CMPK1: variants seen among roughly 807,000 people sequenced by gnomAD.
CMPK1 encodes the protein UMP-CMP kinase.
Under a neutral mutation model 25.7 loss-of-function variants are expected in CMPK1, and 10 were observed. The observed-to-expected ratio is 0.39, with a 90% CI of 0.24 to 0.66. The LOEUF (loss-of-function observed/expected upper bound fraction) is 0.66. CMPK1 is among the 30% of genes least tolerant of loss of function. The pLI is 0.48. For missense variants in CMPK1, 199 were observed against 280.5 expected (o/e 0.71, Z 2.08); for synonymous variants, 106 against 101.5 (o/e 1.04, Z -0.27).
intron 1 of CMPK1, among the ~76,000 whole-genome samples, chr1:47,359,517 A>C (rs1646587461): frequency 6.8e-6 from 1 of 147,194 alleles, no homozygotes; most frequent in Admixed American, 6.9e-5. Flanking sequence ...CCTCCTGAGT[A>C]GCTGGGATTA....
In CMPK1 at chr1:47,333,956, G is replaced by A. The variant is rs1468229514; in HGVS notation, c.11G>A (p.Arg4His). MLS[R>H]CRSGLLHVLG... ...GCCGAGGCGCGGTGTATGCTGAGCC[G>A]CTGCCGCAGCGGGCTGCTCCACGTC... Residue 4 changes from arginine (R) to histidine (H), a missense_variant, in exon 1 of 6, where the codon CGC becomes CAC. Coordinates refer to ENST00000371873, the MANE Select transcript of CMPK1 (RefSeq NM_016308.3). 19 of 1,479,732 alleles carry A rather than the reference G, an allele frequency of 1.3e-5. No homozygotes were observed. The highest frequency in any genetic ancestry group is 1.6e-5 in the Non-Finnish European group (18 of 1,106,816). The allele number at this position is 1,479,732 out of a possible 1,614,324, so 91.7% of individuals were successfully genotyped here. A position where few individuals can be genotyped will look rare whatever the true frequency, so the allele number is the denominator to read the frequency against.
chr1:47,378,571 A>C lies in CMPK1; in HGVS notation c.*1826A>C, dbSNP rs541071605. On this transcript the variant is annotated 3_prime_UTR_variant, in exon 6 of 6. Coordinates refer to ENST00000371873, the MANE Select transcript of CMPK1 (RefSeq NM_016308.3). ...ACAGAAACCAAGAAACATGGTAATT[A>C]CTAAATTATGAGGCTTTGCTTTTTG... 7.9e-4 allele frequency: 121 copies of C among 152,332 alleles called. No individual in the cohort carries two copies. Among genetic ancestry groups the C allele is most frequent in the African/African-American group, 2.8e-3 (117 of 41,584 alleles). 9.4% of individuals were successfully genotyped at this position (152,332 alleles called of 1,614,324 possible). A position where few individuals can be genotyped will look rare whatever the true frequency, so the allele number is the denominator to read the frequency against.
chr1:47,373,175 AG>A, intron 3 of CMPK1, 68 bp downstream of exon 3: 1 of 1,414,480 alleles, frequency 7.1e-7, no homozygotes. Context: ...GAAAAAACAA[AG>A]GATTTTTTAA....
intron 1 of CMPK1, among the ~76,000 whole-genome samples, chr1:47,367,008 G>T (rs982402230): frequency 6.6e-6 from 1 of 152,146 alleles, no homozygotes; most frequent in Non-Finnish European, 1.5e-5. Context: ...TTATAGGTGT[G>T]AGCCACCGCA....
At chr1:47,351,300 C>T (rs913667973) in intron 1 of CMPK1, among the ~76,000 whole-genome samples, 3 of 152,060 alleles carry the variant, frequency 2.0e-5, no homozygotes, top group Non-Finnish European at 2.9e-5. Flanking sequence ...AGGGTGGTCT[C>T]GATCTCCTGA....
chr1:47,367,050 A>C (rs1464833708), intron 1 of CMPK1, among the ~76,000 whole-genome samples: 1 of 152,130 alleles, frequency 6.6e-6, no homozygotes, highest in Admixed American at 6.6e-5. Flanking sequence ...TTAAAAAAAA[A>C]GTTTAATAGA....
intron 4 of CMPK1, 30 bp downstream of exon 4, chr1:47,375,015 TC>T (rs1646698457): frequency 6.6e-7 from 1 of 1,524,352 alleles, no homozygotes; most frequent in African/African-American, 1.4e-5. Context: ...TACAACCACT[TC>T]AATCCCAGAC....
chr1:47,349,914 C>T (rs112600146), intron 1 of CMPK1, among the ~76,000 whole-genome samples: 2 of 152,072 alleles, frequency 1.3e-5, no homozygotes, highest in East Asian at 1.9e-4. Flanking sequence ...AAGTGATTCT[C>T]CTGTCTCAGC....
At chr1:47,347,078 C>T (rs1050989602) in intron 1 of CMPK1, among the ~76,000 whole-genome samples, 8 of 151,714 alleles carry the variant, frequency 5.3e-5, no homozygotes, top group South Asian at 2.1e-4. Flanking sequence ...CCATTGTGCC[C>T]GGCCTATTTT....
At chr1:47,337,836 C>A (rs1646410510) in intron 1 of CMPK1, among the ~76,000 whole-genome samples, 1 of 152,094 alleles carries the variant, frequency 6.6e-6, no homozygotes, top group East Asian at 1.9e-4. Context: ...TGGTCTCGAA[C>A]TCCTGACCTC....
rs75857940 is a variant in CMPK1, at chr1:47,361,579, G to A, written c.172-6890G>A. On this transcript the variant is annotated intron_variant, in intron 1 of 5. Coordinates refer to ENST00000371873, the MANE Select transcript of CMPK1 (RefSeq NM_016308.3). ...GTCCAATCACAGTTACAGTGGTCTG[G>A]GTTGTAAATCAGAGTTAGGAGGGGT... 7.1e-3 allele frequency among the ~76,000 whole-genome samples: 1,087 copies of A among 152,210 alleles called. 5 individuals are homozygous for A. The highest frequency in any genetic ancestry group is 0.01 in the Middle Eastern group (3 of 292).
intron 1 of CMPK1, chr1:47,358,221 A>G: frequency 4.5e-6 from 2 of 443,752 alleles, no homozygotes; most frequent in Non-Finnish European, 9.0e-6. Flanking sequence ...CAAGCTACCC[A>G]CTTGGCTGAG....
At chr1:47,339,695 C>T (rs1646424746) in intron 1 of CMPK1, among the ~76,000 whole-genome samples, 1 of 134,898 alleles carries the variant, frequency 7.4e-6, no homozygotes, top group African/African-American at 2.7e-5. Flanking sequence ...TTTCTTTCTT[C>T]CTTTCCTTTT....
intron 1 of CMPK1, among the ~76,000 whole-genome samples, chr1:47,335,544 G>A (rs1646390832): frequency 6.7e-6 from 1 of 149,942 alleles, no homozygotes; most frequent in Non-Finnish European, 1.5e-5. Flanking sequence ...GGCTGAGGCA[G>A]GAGAATCGCT....
chr1:47,339,528 T>C (rs1001590414), intron 1 of CMPK1, among the ~76,000 whole-genome samples: 5 of 152,146 alleles, frequency 3.3e-5, no homozygotes, highest in East Asian at 1.9e-4. Flanking sequence ...TAAGCACTTA[T>C]TGAATTATAA....
At chr1:47,356,586 C>G (rs2149330036) in intron 1 of CMPK1, among the ~76,000 whole-genome samples, 1 of 150,322 alleles carries the variant, frequency 6.7e-6, no homozygotes, top group Middle Eastern at 3.4e-3. Context: ...CTTAAAGTTG[C>G]CATAAGTTTA....
chr1:47,363,926 G>A (rs1439198093), intron 1 of CMPK1, among the ~76,000 whole-genome samples: 1 of 151,980 alleles, frequency 6.6e-6, no homozygotes, highest in Non-Finnish European at 1.5e-5. Context: ...CTAGGTGATC[G>A]ACCGAGATTC....
chr1:47,351,370 C>T (rs575278769), intron 1 of CMPK1, among the ~76,000 whole-genome samples: 35 of 152,266 alleles, frequency 2.3e-4, no homozygotes, highest in African/African-American at 7.9e-4. Context: ...TGAGCCACTG[C>T]GCCTGGCCCA....
intron 1 of CMPK1, among the ~76,000 whole-genome samples, chr1:47,361,045 C>CAT (rs34727473): frequency 0.95 from 143,743 of 152,062 alleles, 68,315 homozygotes; most frequent in South Asian, 0.99. Flanking sequence ...AATGGGTAAA[C>CAT]ATATGTAACA....
Sources: allele counts gnomAD v4.1 joint callset (sites outside exome capture counted in the v4.1 genomes callset), GRCh38; gene constraint gnomAD v4.1.1; transcripts MANE v1.5; gene names NCBI Gene and HGNC (gene_info 2026-07-23, HGNC 2026-07-21).